MBNL1: variants seen among roughly 807,000 people sequenced by gnomAD.
MBNL1 encodes the protein muscleblind-like protein 1.
MBNL1 carries 8 observed loss-of-function variants against 42.2 expected under a neutral mutation model. The ratio of observed to expected loss-of-function variants is 0.19; its 90% confidence interval spans 0.11 to 0.34. The LOEUF is 0.34. MBNL1 is among the 10% of genes least tolerant of loss of function. MBNL1 has a pLI of 1.00. For missense variants in MBNL1, 309 were observed against 495.3 expected (o/e 0.62, Z 3.57); for synonymous variants, 169 against 173.9 (o/e 0.97, Z 0.22).
chr3:152,461,918 T>A (rs1428337580), intron 9 of MBNL1, among the ~76,000 whole-genome samples: 1 of 152,188 alleles, frequency 6.6e-6, no homozygotes, highest in Non-Finnish European at 1.5e-5. Flanking sequence ...TCATTCTTTT[T>A]TTTTCAAACA....
intron 4 of MBNL1, 148 bp downstream of exon 4, chr3:152,433,068 T>C (rs2099027250): frequency 1.6e-6 from 1 of 633,432 alleles, no homozygotes; most frequent in Non-Finnish European, 2.8e-6. Flanking sequence ...TACTAGAGTA[T>C]AGATAATGCT....
intron 2 of MBNL1, among the ~76,000 whole-genome samples, chr3:152,359,262 T>G (rs1316870413): frequency 2.0e-5 from 3 of 152,228 alleles, no homozygotes; most frequent in Non-Finnish European, 4.4e-5. Context: ...ATGGATTTGC[T>G]TATCAACAGA....
chr3:152,337,358 G>T (rs2090971373), intron 2 of MBNL1, among the ~76,000 whole-genome samples: 1 of 152,130 alleles, frequency 6.6e-6, no homozygotes, highest in African/African-American at 2.4e-5. Context: ...GGTGGCTCAC[G>T]CCTGTAATGC....
intron 2 of MBNL1, among the ~76,000 whole-genome samples, chr3:152,358,680 A>C (rs1017144021): frequency 6.6e-6 from 1 of 152,160 alleles, no homozygotes; most frequent in Non-Finnish European, 1.5e-5. Context: ...GCACTAGTTT[A>C]ACTATCTTTT....
At position 152,300,164 on chromosome 3, in the gene MBNL1, G is replaced by C; in HGVS notation, c.-30G>C. ...GGGGGTTGGGTTTGTTGGTTTCACTGAAACATTTAACTACCTGTAAAATCT... is the reference window on the plus strand; with the variant it reads ...GGGGGTTGGGTTTGTTGGTTTCACTCAAACATTTAACTACCTGTAAAATCT... On this transcript the variant is annotated 5_prime_UTR_variant, in exon 2 of 10. Coordinates refer to ENST00000324210, the MANE Select transcript of MBNL1 (RefSeq NM_021038.5). The C allele has an allele frequency of 6.7e-7, 1 of 1,488,456 alleles. No homozygotes were observed. The allele number at this position is 1,488,456 out of a possible 1,614,324, so 92.2% of individuals were successfully genotyped here.
chr3:152,456,495 A>C, intron 8 of MBNL1, 134 bp downstream of exon 8: 1 of 707,568 alleles, frequency 1.4e-6, no homozygotes, highest in Non-Finnish European at 2.6e-6. Context: ...GGGTGCTTTA[A>C]TAAGCATGGG....
intron 2 of MBNL1, among the ~76,000 whole-genome samples, chr3:152,330,814 T>C (rs2083881519): frequency 6.6e-6 from 1 of 152,208 alleles, no homozygotes; most frequent in African/African-American, 2.4e-5. Flanking sequence ...AAATTAAACT[T>C]TATTGTAGGT....
chr3:152,268,277 G>T (rs78570212), upstream of MBNL1: 1 of 165,464 alleles, frequency 6.0e-6, no homozygotes, highest in Non-Finnish European at 1.3e-5. Flanking sequence ...GTGCCTGTGT[G>T]ACAGTTTCAC....
At chr3:152,435,947 A>G (rs903333530) in intron 4 of MBNL1, among the ~76,000 whole-genome samples, 2 of 152,122 alleles carry the variant, frequency 1.3e-5, no homozygotes, top group African/African-American at 2.4e-5. Flanking sequence ...TTTTGGGCCG[A>G]GACTATGGGG....
chr3:152,256,041 A>G (rs983596269), intron 2 of MBNL1, among the ~76,000 whole-genome samples: 2 of 152,190 alleles, frequency 1.3e-5, no homozygotes, highest in Non-Finnish European at 2.9e-5. Context: ...CATATGAGCA[A>G]ACATTTGCAA....
intron 6 of MBNL1, among the ~76,000 whole-genome samples, chr3:152,454,318 T>C (rs1438013275): frequency 6.6e-6 from 1 of 152,208 alleles, no homozygotes; most frequent in Non-Finnish European, 1.5e-5. Flanking sequence ...TCAGCTGAGT[T>C]TCTCAATGGC....
At chr3:152,390,076 G>A (rs887846966) in intron 2 of MBNL1, among the ~76,000 whole-genome samples, 1 of 151,070 alleles carries the variant, frequency 6.6e-6, no homozygotes, top group Non-Finnish European at 1.5e-5. Flanking sequence ...CACCATATTG[G>A]CCAGGCTGGT....
At chr3:152,271,627 A>G (rs1397096362) in intron 1 of MBNL1, among the ~76,000 whole-genome samples, 1 of 152,164 alleles carries the variant, frequency 6.6e-6, no homozygotes, top group Admixed American at 6.5e-5. Context: ...TCTGTATGCA[A>G]AGGCATTAGG....
chr3:152,441,589 T>C (rs187881182), intron 4 of MBNL1, among the ~76,000 whole-genome samples: 235 of 152,320 alleles, frequency 1.5e-3, no homozygotes, highest in African/African-American at 5.4e-3. Context: ...TTTTCCTGAT[T>C]ATGTTTTCTT....
chr3:152,390,555 C>A (rs2097667105), intron 2 of MBNL1, among the ~76,000 whole-genome samples: 1 of 149,974 alleles, frequency 6.7e-6, no homozygotes, highest in African/African-American at 2.5e-5. Context: ...AATAAGTAAA[C>A]CAGTAGCACA....
At chr3:152,289,664 C>T (rs777041453) in intron 1 of MBNL1, among the ~76,000 whole-genome samples, 1 of 152,022 alleles carries the variant, frequency 6.6e-6, no homozygotes, top group Non-Finnish European at 1.5e-5. Flanking sequence ...ATTCAGTTAA[C>T]ATTGGTATAT....
At chr3:152,393,831 C>T (rs1422175372) in intron 2 of MBNL1, among the ~76,000 whole-genome samples, 7 of 152,142 alleles carry the variant, frequency 4.6e-5, no homozygotes, top group Admixed American at 4.6e-4. Flanking sequence ...TGAATTTCAG[C>T]ATTATGTAGT....
chr3:152,363,504 A>T (rs1351701521), intron 2 of MBNL1, among the ~76,000 whole-genome samples: 2 of 152,184 alleles, frequency 1.3e-5, no homozygotes, highest in African/African-American at 4.8e-5. Flanking sequence ...GAGGATGAAG[A>T]TGGTAGATAA....
rs1431709408 is a variant in MBNL1 at position 152,463,417 on chromosome 3, C to T, written c.*1051C>T. On this transcript the variant is annotated 3_prime_UTR_variant, in exon 10 of 10. Coordinates refer to ENST00000324210, the MANE Select transcript of MBNL1 (RefSeq NM_021038.5). ...TTTTGCTTCTATTTATAGCCTCTGT[C>T]AAAAGTCAAAAGACTATAAATGCTT... 1 of 152,184 alleles carries T rather than the reference C, an allele frequency of 6.6e-6. No homozygotes were observed. Among genetic ancestry groups the T allele is most frequent in the Non-Finnish European group, 1.5e-5 (1 of 67,894 alleles). The allele number at this position is 152,184 out of a possible 1,614,324, so 9.4% of individuals were successfully genotyped here.
Sources: gnomAD v4.1 joint callset for allele counts (sites outside exome capture counted in the v4.1 genomes callset) on GRCh38, gnomAD v4.1.1 for gene constraint, MANE v1.5 for transcripts, NCBI Gene and HGNC (gene_info 2026-07-23, HGNC 2026-07-21) for gene names.